The following EHMT1 variants were observed in gnomAD, a reference collection of about 807,000 sequenced individuals.
The protein encoded by EHMT1 is euchromatic histone lysine methyltransferase 1.
In EHMT1, 15 loss-of-function variants were observed where a neutral mutation model predicts 147.2. The ratio of observed to expected loss-of-function variants is 0.10; its 90% CI spans 0.07 to 0.16. The LOEUF (loss-of-function observed/expected upper bound fraction) is 0.16. EHMT1 is among the 10% of genes least tolerant of loss of function. The probability of loss-of-function intolerance (pLI) is 1.00; values close to 1 mark genes in which losing one functional copy is unlikely to be tolerated. For missense variants in EHMT1, 1,587 were observed against 1,772.4 expected (o/e 0.90, Z 1.88); for synonymous variants, 795 against 709.6 (o/e 1.12, Z -1.91).
chr9:137,823,453 C>T, intron 25 of EHMT1: 3 of 376,290 alleles, frequency 8.0e-6, no homozygotes, highest in Non-Finnish European at 1.6e-5. Flanking sequence ...GCTCTGTCAC[C>T]CAGGCTGGAG....
At chr9:137,646,467 A>G in intron 1 of EHMT1, 1 of 979,676 alleles carries the variant, frequency 1.0e-6, no homozygotes, top group Non-Finnish European at 1.2e-6. Flanking sequence ...AGCCCCGAGG[A>G]GTGCTCCCGT....
chr9:137,835,097 G>C lies in EHMT1; in HGVS notation c.*144G>C. Reference sequence around the variant, plus strand: ...TCCTGGAGGGGTCGGAGGTGAGGCTGCAGCCCCTGCGGGCGGGTGTGGATG... The same window carrying C: ...TCCTGGAGGGGTCGGAGGTGAGGCTCCAGCCCCTGCGGGCGGGTGTGGATG... On this transcript the variant is annotated 3_prime_UTR_variant, in exon 27 of 27. Coordinates refer to ENST00000460843, the MANE Select transcript of EHMT1 (RefSeq NM_024757.5). 3 of 1,025,074 alleles carry C rather than the reference G, an allele frequency of 2.9e-6. No individual in the cohort carries two copies. In the South Asian group the frequency reaches 6.9e-5, roughly 24 times the overall value. 63.5% of individuals were successfully genotyped at this position (1,025,074 alleles called of 1,614,324 possible). A position where few individuals can be genotyped will look rare whatever the true frequency, so the allele number is the denominator to read the frequency against.
At chr9:137,788,431 T>C in intron 15 of EHMT1, 1 of 203,616 alleles carries the variant, frequency 4.9e-6, no homozygotes, top group East Asian at 1.2e-4. Context: ...AGGGATCTTG[T>C]AGGTGAAAGG....
At chr9:137,716,103 G>T (rs13300514) in intron 2 of EHMT1, among the ~76,000 whole-genome samples, 7,360 of 21,774 alleles carry the variant, frequency 0.34, 1,239 homozygotes, top group African/African-American at 0.59. Context: ...GGAAGTTGTG[G>T]TGGTGTCATG....
At chr9:137,832,117 G>T in intron 25 of EHMT1, among the ~76,000 whole-genome samples, 1 of 149,466 alleles carries the variant, frequency 6.7e-6, no homozygotes, top group East Asian at 2.0e-4. Flanking sequence ...GATTGGCTGG[G>T]CTCCCTCCGC....
chr9:137,654,350 C>T (rs1217056730), intron 1 of EHMT1, among the ~76,000 whole-genome samples: 2 of 150,146 alleles, frequency 1.3e-5, no homozygotes, highest in Non-Finnish European at 3.0e-5. Context: ...GGCGACAGAG[C>T]GAGGAGACCC....
intron 1 of EHMT1, among the ~76,000 whole-genome samples, chr9:137,624,780 T>C (rs1482609573): frequency 6.6e-6 from 1 of 151,814 alleles, no homozygotes; most frequent in Admixed American, 6.6e-5. Flanking sequence ...TCTGTTTTTG[T>C]AGAGACAGGG....
chr9:137,799,570 T>TC (rs1165386707), intron 17 of EHMT1, among the ~76,000 whole-genome samples: 1 of 152,162 alleles, frequency 6.6e-6, no homozygotes, highest in East Asian at 1.9e-4. Flanking sequence ...TGGGAGTCCC[T>TC]CCTGCATGGA....
chr9:137,794,275 A>G (rs1056502538), intron 16 of EHMT1, among the ~76,000 whole-genome samples: 8 of 152,256 alleles, frequency 5.3e-5, no homozygotes, highest in African/African-American at 1.7e-4. Context: ...ATGTTTCAGT[A>G]AACATTTTTA....
intron 1 of EHMT1, among the ~76,000 whole-genome samples, chr9:137,670,659 C>T (rs1940484640): frequency 1.3e-5 from 2 of 152,176 alleles, no homozygotes; most frequent in South Asian, 2.1e-4. Flanking sequence ...GGCAGGTCTG[C>T]AGCATATCAG....
chr9:137,736,231 AT>A (rs1811276569), intron 4 of EHMT1, among the ~76,000 whole-genome samples: 1 of 152,252 alleles, frequency 6.6e-6, no homozygotes, highest in Non-Finnish European at 1.5e-5. Flanking sequence ...AGGACAATAT[AT>A]AGTAATAAAA....
chr9:137,715,274 A>G (rs1427442591), intron 2 of EHMT1, among the ~76,000 whole-genome samples: 1 of 152,222 alleles, frequency 6.6e-6, no homozygotes, highest in Admixed American at 6.5e-5. Context: ...TAGCATTTAC[A>G]TATACATCTG....
Position 137,801,109 on chromosome 9 carries a change from C to T in EHMT1, c.2712+125C>T, listed in dbSNP as rs1953444592. 3.7e-6 allele frequency: 3 copies of T among 820,082 alleles called. No individual in the cohort carries two copies. In the African/African-American group the frequency reaches 5.1e-5, roughly 14 times the overall value. The allele number at this position is 820,082 out of a possible 1,614,324, so 50.8% of individuals were successfully genotyped here. A position where few individuals can be genotyped will look rare whatever the true frequency, so the allele number is the denominator to read the frequency against. ...TGGCGGCTTTGACCTCTTCCTGTGG[C>T]AGCATCGGCCCGGCACTGTGCTGTG... On this transcript the variant is annotated intron_variant, in intron 18 of 26. Coordinates refer to ENST00000460843, the MANE Select transcript of EHMT1 (RefSeq NM_024757.5).
At position 137,814,602 on chromosome 9, in the gene EHMT1, C is replaced by T. The variant is rs531029563; in HGVS notation, c.3258+94C>T. Reference sequence around the variant, plus strand: ...CAGGCGTCTGTGACCCCAGCGCTGTCGTGGCAGCGTCGGGAAGGAGTTGGA... The same window carrying T: ...CAGGCGTCTGTGACCCCAGCGCTGTTGTGGCAGCGTCGGGAAGGAGTTGGA... On this transcript the variant is annotated intron_variant, in intron 22 of 26. Coordinates refer to ENST00000460843, the MANE Select transcript of EHMT1 (RefSeq NM_024757.5). 2.6e-4 allele frequency: 372 copies of T among 1,431,446 alleles called. 1 individual carries two copies. In the South Asian group the frequency reaches 3.5e-3, roughly 14 times the overall value. 88.7% of individuals were successfully genotyped at this position (1,431,446 alleles called of 1,614,324 possible). A position where few individuals can be genotyped will look rare whatever the true frequency, so the allele number is the denominator to read the frequency against.
intron 3 of EHMT1, among the ~76,000 whole-genome samples, chr9:137,722,465 C>T (rs1001584444): frequency 2.0e-5 from 3 of 152,274 alleles, no homozygotes. Context: ...TCTCCACTGC[C>T]TCTCCGCACC....
chr9:137,771,052 TTGG>T (rs1950551810), intron 10 of EHMT1, among the ~76,000 whole-genome samples: 1 of 152,200 alleles, frequency 6.6e-6, no homozygotes, highest in South Asian at 2.1e-4. Flanking sequence ...TACTCTTGTC[TTGG>T]TGGTGCATAA....
rs1940006840 is a variant in EHMT1, at chr9:137,668,731, TTC to T, written c.22-42234_22-42233del. Among the ~76,000 whole-genome samples, 7 of 114,494 alleles carry T rather than the reference TTC, an allele frequency of 6.1e-5. No individual in the cohort carries two copies. The South Asian group carries it at 2.0e-3, about 32-fold the overall frequency. 75.1% of individuals were successfully genotyped at this position (114,494 alleles called of 152,430 possible). A position where few individuals can be genotyped will look rare whatever the true frequency, so the allele number is the denominator to read the frequency against. ...GACTTCTTTCACTTAACTTAGTGTT[TTC>T]TTTTTTTTTTTTGCTGTTAATGGAC... is the stretch of plus-strand genomic sequence containing the variant. On this transcript the variant is annotated intron_variant, in intron 1 of 26. Transcript: ENST00000460843.
At chr9:137,707,329 C>G (rs1460288026) in intron 1 of EHMT1, among the ~76,000 whole-genome samples, 1 of 152,240 alleles carries the variant, frequency 6.6e-6, no homozygotes, top group Non-Finnish European at 1.5e-5. Context: ...CTTCCCGAGC[C>G]TCCTGGAAGT....
At chr9:137,740,875 T>TC (rs1219303816) in intron 4 of EHMT1, among the ~76,000 whole-genome samples, 2 of 152,108 alleles carry the variant, frequency 1.3e-5, no homozygotes, top group Non-Finnish European at 2.9e-5. Context: ...CGATCTCGGC[T>TC]CACTGCAAGC....
Sources: allele counts gnomAD v4.1 joint callset (sites outside exome capture counted in the v4.1 genomes callset), GRCh38; gene constraint gnomAD v4.1.1; transcripts MANE v1.5; gene names NCBI Gene and HGNC (gene_info 2026-07-23, HGNC 2026-07-21).